CA10: variants seen among roughly 807,000 people sequenced by gnomAD.
The protein encoded by CA10 is carbonic anhydrase-related protein 10.
In CA10, 14 loss-of-function variants were observed where a neutral mutation model predicts 44.2. The ratio of observed to expected loss-of-function variants is 0.32; its 90% CI spans 0.21 to 0.50. The LOEUF is 0.50. Ranked by LOEUF, CA10 falls within the 20% of genes least tolerant of loss-of-function variation. The pLI is 0.99. For missense variants in CA10, 350 were observed against 409.7 expected (o/e 0.85, Z 1.26); for synonymous variants, 159 against 141.6 (o/e 1.12, Z -0.87).
chr17:51,925,913 A>G (rs916202524), intron 3 of CA10, among the ~76,000 whole-genome samples: 8 of 152,144 alleles, frequency 5.3e-5, no homozygotes, highest in African/African-American at 1.9e-4. Flanking sequence ...AGAACGTAGG[A>G]CAGAGGTTAC....
chr17:52,126,957 TAGA>T (rs1337469815), intron 1 of CA10, among the ~76,000 whole-genome samples: 1 of 152,194 alleles, frequency 6.6e-6, no homozygotes, highest in African/African-American at 2.4e-5. Flanking sequence ...ATGTAGCAAA[TAGA>T]GGAGAGCACT....
chr17:51,989,567 G>A (rs145182477), intron 2 of CA10, among the ~76,000 whole-genome samples: 1 of 152,190 alleles, frequency 6.6e-6, no homozygotes, highest in African/African-American at 2.4e-5. Flanking sequence ...GTCCATCAGT[G>A]AGAGACTGGA....
At chr17:52,098,816 T>G (rs1446675575) in intron 1 of CA10, among the ~76,000 whole-genome samples, 1 of 152,168 alleles carries the variant, frequency 6.6e-6, no homozygotes, top group Non-Finnish European at 1.5e-5. Flanking sequence ...ATTGCTATAT[T>G]AAAGAAATCC....
In CA10 at chr17:51,752,750, G is replaced by A. The variant is rs933838165; in HGVS notation, c.280-4932C>T. On this transcript the variant is annotated intron_variant, in intron 3 of 8. Coordinates refer to ENST00000451037, the MANE Select transcript of CA10 (RefSeq NM_020178.5). ...TTGAGACCAGCCTGGCCAACATGGCGAAACCCCGTCTCTACTAAAAATACA... is the reference window on the plus strand; with the variant it reads ...TTGAGACCAGCCTGGCCAACATGGCAAAACCCCGTCTCTACTAAAAATACA... 2.0e-5 allele frequency among the ~76,000 whole-genome samples: 3 copies of A among 152,176 alleles called. No individual in the cohort carries two copies. The East Asian group carries it at 5.8e-4, about 30-fold the overall frequency.
At chr17:52,019,268 A>G (rs1347338139) in intron 2 of CA10, among the ~76,000 whole-genome samples, 1 of 152,154 alleles carries the variant, frequency 6.6e-6, no homozygotes, top group African/African-American at 2.4e-5. Flanking sequence ...AAAGAGTCTC[A>G]TTGCCATTAT....
At chr17:51,906,387 G>A (rs974117428) in intron 3 of CA10, among the ~76,000 whole-genome samples, 5 of 151,922 alleles carry the variant, frequency 3.3e-5, no homozygotes, top group Admixed American at 1.3e-4. Context: ...TCTTCTTTTG[G>A]CTTTTATGGC....
rs759056389 is a variant in CA10, at chr17:51,787,875, TTGTC to T, written c.280-40061_280-40058del. Among the ~76,000 whole-genome samples the T allele has an allele frequency of 1.4e-3, 208 of 152,342 alleles. 1 individual carries two copies. Among genetic ancestry groups the T allele is most frequent in the Middle Eastern group, 6.8e-3 (2 of 294 alleles). ...TTTTTTTCTTAGTCTGCCTAGAAGTTTGTCTATTTTGTTTAACTTTTCAAAAATC... is the reference window on the plus strand; with the variant it reads ...TTTTTTTCTTAGTCTGCCTAGAAGTTTATTTTGTTTAACTTTTCAAAAATC... On this transcript the variant is annotated intron_variant, in intron 3 of 8. Transcript: ENST00000451037.
intron 3 of CA10, among the ~76,000 whole-genome samples, chr17:51,864,833 G>T (rs761208246): frequency 1.3e-5 from 2 of 152,148 alleles, no homozygotes; most frequent in Non-Finnish European, 1.5e-5. Flanking sequence ...AAACTGAGGC[G>T]TGCAGGTGGA....
At chr17:51,640,255 G>C (rs923013265) in intron 6 of CA10, among the ~76,000 whole-genome samples, 2 of 152,114 alleles carry the variant, frequency 1.3e-5, no homozygotes, top group Admixed American at 1.3e-4. Context: ...CTACCTGCTG[G>C]CAGTGTTGGG....
chr17:51,778,042 A>C (rs1471420143), intron 3 of CA10, among the ~76,000 whole-genome samples: 4 of 152,160 alleles, frequency 2.6e-5, no homozygotes, highest in Admixed American at 1.3e-4. Context: ...TAGATAGAAA[A>C]GATCCTTCAG....
intron 2 of CA10, among the ~76,000 whole-genome samples, chr17:52,027,700 C>G (rs1278070823): frequency 1.3e-5 from 2 of 152,100 alleles, no homozygotes; most frequent in East Asian, 3.9e-4. Context: ...TCACTTTTTT[C>G]CCCTCACCCC....
In CA10 at chr17:52,114,522, T is replaced by C. The variant is rs116460984; in HGVS notation, c.62-42129A>G. Among the ~76,000 whole-genome samples, 661 of 152,352 alleles carry C rather than the reference T, an allele frequency of 4.3e-3. 6 individuals are homozygous for C. Among genetic ancestry groups the C allele is most frequent in the African/African-American group, 0.015 (626 of 41,574 alleles). ...ATGTGCTAATACATGTGAAGCTTTT[T>C]GAACTATACATAGTAAATTCCTTAT... On this transcript the variant is annotated intron_variant, in intron 1 of 8. Transcript: ENST00000451037.
At chr17:52,079,209 C>G (rs1334867461) in intron 1 of CA10, among the ~76,000 whole-genome samples, 2 of 152,108 alleles carry the variant, frequency 1.3e-5, no homozygotes, top group East Asian at 3.9e-4. Context: ...TGGCGTGAAC[C>G]GGGGAGGCGG....
At chr17:51,676,598 G>A (rs1914632605) in intron 4 of CA10, among the ~76,000 whole-genome samples, 1 of 152,188 alleles carries the variant, frequency 6.6e-6, no homozygotes, top group Non-Finnish European at 1.5e-5. Flanking sequence ...TAGGTGCAGT[G>A]TTACCCTTGT....
Position 52,143,140 on chromosome 17 carries a change from A to G in CA10, c.61+14586T>C, listed in dbSNP as rs188281342. Among the ~76,000 whole-genome samples, 767 of 152,304 alleles carry G rather than the reference A, an allele frequency of 5.0e-3. 5 individuals carry two copies. The highest frequency in any genetic ancestry group is 0.033 in the South Asian group (157 of 4,830). On this transcript the variant is annotated intron_variant, in intron 1 of 8. Coordinates refer to ENST00000451037, the MANE Select transcript of CA10 (RefSeq NM_020178.5). Reference sequence around the variant, plus strand: ...TAAATTTAAATTTTGTTCAAATTTAATACAATCCCAGTGCACTGCTTTAGT... The same window carrying G: ...TAAATTTAAATTTTGTTCAAATTTAGTACAATCCCAGTGCACTGCTTTAGT...
chr17:52,072,469 G>T, intron 1 of CA10, 76 bp from the exon 2 acceptor site: 1 of 1,036,160 alleles, frequency 9.7e-7, no homozygotes, highest in Non-Finnish European at 1.5e-6. Flanking sequence ...AGTAAGAAGG[G>T]TGAATATCCA....
chr17:51,904,787 G>T (rs948218425), intron 3 of CA10, among the ~76,000 whole-genome samples: 2 of 152,026 alleles, frequency 1.3e-5, no homozygotes, highest in African/African-American at 4.8e-5. Context: ...CGCTGCTTCT[G>T]CTTCTCATGC....
chr17:51,812,444 A>G (rs778152655), intron 3 of CA10, among the ~76,000 whole-genome samples: 32 of 152,192 alleles, frequency 2.1e-4, no homozygotes, highest in Non-Finnish European at 3.8e-4. Context: ...AAATATTTAC[A>G]CCACTGAAAT....
intron 2 of CA10, among the ~76,000 whole-genome samples, chr17:52,060,854 C>A (rs560149509): frequency 4.6e-5 from 7 of 152,144 alleles, no homozygotes; most frequent in Non-Finnish European, 4.4e-5. Context: ...CCTGCTTCTA[C>A]GTTGACCTGC....
Sources: allele counts gnomAD v4.1 joint callset (sites outside exome capture counted in the v4.1 genomes callset), GRCh38; gene constraint gnomAD v4.1.1; transcripts MANE v1.5; gene names NCBI Gene and HGNC (gene_info 2026-07-23, HGNC 2026-07-21).